Variants in ZNF75D observed in about 807,000 individuals in gnomAD.
The protein encoded by ZNF75D is zinc finger protein 75.
Under a neutral mutation model 33.3 loss-of-function variants are expected in ZNF75D, and 33 were observed. That is an observed-to-expected ratio of 0.99 (90% confidence interval 0.75 to 1.32). The LOEUF (loss-of-function observed/expected upper bound fraction) is 1.32. Among genes scored for constraint, ZNF75D ranks in the 40% most tolerant of loss-of-function variants. ZNF75D has a pLI of 0.00. For missense variants in ZNF75D, 338 were observed against 367.5 expected (o/e 0.92, Z 0.66); for synonymous variants, 113 against 130.6 (o/e 0.87, Z 0.92).
chrX:135,310,809 C>T (rs1355091703), intron 1 of ZNF75D, among the ~76,000 whole-genome samples: 1 of 111,608 alleles, frequency 9.0e-6, no homozygotes, highest in Admixed American at 9.5e-5. Flanking sequence ...CTCCCTGTCC[C>T]TGTCAACTTT....
chrX:135,337,727 C>G lies in ZNF75D; in HGVS notation c.-391+4041G>C, dbSNP rs781954121. On this transcript the variant is annotated intron_variant, in intron 1 of 6. Coordinates refer to ENST00000370766, the MANE Select transcript of ZNF75D (RefSeq NM_007131.5). ...CAAAGAGAATTCTCCAAGCAGTCGT[C>G]AAATGCTTCTGAGAGGTGAGATGTG... Among the ~76,000 whole-genome samples, 4 of 110,858 alleles carry G rather than the reference C, an allele frequency of 3.6e-5. No homozygotes were observed. The South Asian group carries it at 1.5e-3, about 43-fold the overall frequency.
chrX:135,267,181 T>C (rs1279232698), intron 1 of ZNF75D, among the ~76,000 whole-genome samples: 5 of 111,090 alleles, frequency 4.5e-5, no homozygotes, highest in Non-Finnish European at 9.5e-5. Context: ...TTCAAATAAG[T>C]AACCTAATGA....
rs148068840 is a variant in ZNF75D at position 135,293,974 on chromosome X, C to A, written c.167G>T (p.Arg56Leu). Residue 56 changes from arginine to leucine, a missense_variant, in exon 3 of 7, where the codon CGT (arginine) becomes CTT (leucine). Physicochemically the swap from Arg to Leu is moderately radical, Grantham distance 102 (BLOSUM62 -2). Transcript: ENST00000370766. ...ESACRHFWSF[R>L]YHEATGPLET... ...AAGCGGTCCGGTTGCTTCATGATAA[C>A]GGAAGCTCCAGAAGTGCCTGCAAGC... The A allele has an allele frequency of 1.1e-4, 133 of 1,210,321 alleles. No homozygotes were observed. Among genetic ancestry groups the A allele is most frequent in the Non-Finnish European group, 1.3e-4 (113 of 895,232 alleles).
chrX:135,336,855 A>G (rs782414959), intron 1 of ZNF75D, among the ~76,000 whole-genome samples: 1 of 112,278 alleles, frequency 8.9e-6, no homozygotes, highest in South Asian at 3.7e-4. Flanking sequence ...ACTATTCTTC[A>G]AGTGTGATTT....
chrX:135,294,166 G>C lies in ZNF75D; in HGVS notation c.-26C>G. 3 of 1,148,185 alleles carry C rather than the reference G, an allele frequency of 2.6e-6. No individual in the cohort carries two copies. Among genetic ancestry groups the C allele is most frequent in the East Asian group, 6.0e-5 (2 of 33,304 alleles). 94.6% of individuals were successfully genotyped at this position (1,148,185 alleles called of 1,213,427 possible). On this transcript the variant is annotated 5_prime_UTR_variant, in exon 3 of 7. Coordinates refer to ENST00000370766, the MANE Select transcript of ZNF75D (RefSeq NM_007131.5). Reference sequence around the variant, plus strand: ...TTGCTCTAGGAACAGTTTTACTCTTGTATGTGACACTGACACCCACCTGGT... The same window carrying C: ...TTGCTCTAGGAACAGTTTTACTCTTCTATGTGACACTGACACCCACCTGGT...
At chrX:135,295,204 A>C (rs2148473528) in intron 2 of ZNF75D, among the ~76,000 whole-genome samples, 1 of 112,164 alleles carries the variant, frequency 8.9e-6, no homozygotes, top group East Asian at 2.8e-4. Context: ...ATTCAAAAAA[A>C]TGGTTGGCTC....
downstream of ZNF75D, among the ~76,000 whole-genome samples, chrX:135,281,383 C>A (rs781984738): frequency 2.7e-5 from 3 of 109,924 alleles, no homozygotes; most frequent in Non-Finnish European, 5.7e-5. Context: ...TTTGCAATTT[C>A]TCTCACCTTT....
chrX:135,303,726 G>C (rs1159785846), intron 1 of ZNF75D, among the ~76,000 whole-genome samples: 1 of 112,793 alleles, frequency 8.9e-6, no homozygotes, highest in African/African-American at 3.2e-5. Context: ...CAGCTGTGAA[G>C]CTGGAGCAGA....
At chrX:135,318,443 T>G (rs1226576147) in intron 1 of ZNF75D, among the ~76,000 whole-genome samples, 1 of 111,449 alleles carries the variant, frequency 9.0e-6, no homozygotes, top group Non-Finnish European at 1.9e-5. Context: ...AAAATGTTGA[T>G]TCTGAGAAAC....
chrX:135,288,394 T>C (rs961148546), intron 6 of ZNF75D, among the ~76,000 whole-genome samples: 5 of 112,676 alleles, frequency 4.4e-5, no homozygotes, highest in African/African-American at 1.6e-4. Context: ...CATGAACTAA[T>C]GACAACTTCA....
chrX:135,337,557 A>C (rs782237230), intron 1 of ZNF75D, among the ~76,000 whole-genome samples: 19 of 111,951 alleles, frequency 1.7e-4, no homozygotes, highest in African/African-American at 5.8e-4. Context: ...TTCCTGTTAT[A>C]AAACTGGAAT....
intron 2 of ZNF75D, among the ~76,000 whole-genome samples, chrX:135,295,324 A>G (rs1418970625): frequency 8.9e-6 from 1 of 111,873 alleles, no homozygotes; most frequent in Admixed American, 9.4e-5. Context: ...TGTTATGTTC[A>G]TAAGCCATCA....
In ZNF75D at chrX:135,299,938, T is replaced by C. The variant is rs1217898520; in HGVS notation, c.-390-3899A>G. 1.8e-5 allele frequency among the ~76,000 whole-genome samples: 2 copies of C among 112,604 alleles called. 1 individual carries two copies. The highest frequency in any genetic ancestry group is 6.5e-5 in the African/African-American group (2 of 30,984). On this transcript the variant is annotated intron_variant, in intron 1 of 6. Coordinates refer to ENST00000370766, the MANE Select transcript of ZNF75D (RefSeq NM_007131.5). ...TCAGTTAACTCAAGGTGTATGGCTT[T>C]GTTTCTGAACTTTCAATTCTATTCT...
chrX:135,283,033 T>C, downstream of ZNF75D, among the ~76,000 whole-genome samples: 1 of 111,633 alleles, frequency 9.0e-6, no homozygotes, highest in East Asian at 2.8e-4. Flanking sequence ...AAGGGAAATC[T>C]TTCTTGGCAT....
chrX:135,318,055 G>T (rs2148486428), intron 1 of ZNF75D, among the ~76,000 whole-genome samples: 1 of 103,409 alleles, frequency 9.7e-6, no homozygotes, highest in East Asian at 3.1e-4. Context: ...TAAGAGCCAA[G>T]GTGAGCAATG....
At chrX:135,319,367 A>G (rs1556433259) in intron 1 of ZNF75D, among the ~76,000 whole-genome samples, 1 of 112,328 alleles carries the variant, frequency 8.9e-6, no homozygotes, top group African/African-American at 3.2e-5. Flanking sequence ...TGCAACAAAT[A>G]TAAGCATTAT....
intron 1 of ZNF75D, among the ~76,000 whole-genome samples, chrX:135,256,664 C>T (rs1376363250): frequency 1.8e-5 from 2 of 111,599 alleles, no homozygotes; most frequent in Non-Finnish European, 3.8e-5. Flanking sequence ...GCTGACATGA[C>T]TAGCGGAGCC....
intron 4 of ZNF75D, 29 bp from the exon 5 acceptor site, chrX:135,291,592 TTC>T (rs782751882): frequency 1.7e-6 from 2 of 1,200,947 alleles, no homozygotes; most frequent in Non-Finnish European, 2.2e-6. Flanking sequence ...CAGGGAAAAT[TTC>T]TGTTTCCTAT....
chrX:135,256,611 A>T (rs1485169812), intron 1 of ZNF75D, among the ~76,000 whole-genome samples: 1 of 111,676 alleles, frequency 9.0e-6, no homozygotes, highest in Non-Finnish European at 1.9e-5. Context: ...GACTGGGCTT[A>T]CAACCAGTGA....
Sources: allele counts gnomAD v4.1 joint callset (sites outside exome capture counted in the v4.1 genomes callset), GRCh38; gene constraint gnomAD v4.1.1; transcripts MANE v1.5; gene names NCBI Gene and HGNC (gene_info 2026-07-23, HGNC 2026-07-21).